The following FHIT variants were observed in gnomAD, a reference collection of about 807,000 sequenced individuals.
FHIT encodes bis(5'-adenosyl)-triphosphatase.
FHIT carries 19 observed loss-of-function variants against 17.9 expected under a neutral mutation model. That is an observed-to-expected ratio of 1.06 (90% CI 0.74 to 1.56). The LOEUF (loss-of-function observed/expected upper bound fraction) is 1.56, where lower values mean the gene tolerates loss of function less well. FHIT is among the 40% of genes most tolerant of loss of function. FHIT has a pLI of 0.00. For missense variants in FHIT, 248 were observed against 189.2 expected (o/e 1.31, Z -1.82); for synonymous variants, 81 against 69.7 (o/e 1.16, Z -0.81).
At chr3:61,206,820 T>C (rs1047793821) in intron 1 of FHIT, among the ~76,000 whole-genome samples, 1 of 152,176 alleles carries the variant, frequency 6.6e-6, no homozygotes, top group African/African-American at 2.4e-5. Flanking sequence ...TTTCTTCTCC[T>C]GCCTGATTGC....
intron 4 of FHIT, among the ~76,000 whole-genome samples, chr3:60,651,537 C>T (rs555969708): frequency 2.9e-3 from 394 of 136,670 alleles, no homozygotes; most frequent in African/African-American, 0.011. Flanking sequence ...TTGATAGATC[C>T]AATCTTTTTT....
chr3:61,071,694 C>T (rs1057389470), intron 2 of FHIT, among the ~76,000 whole-genome samples: 1 of 151,862 alleles, frequency 6.6e-6, no homozygotes, highest in Non-Finnish European at 1.5e-5. Flanking sequence ...TAAGTATTTC[C>T]ATATATATTT....
intron 5 of FHIT, among the ~76,000 whole-genome samples, chr3:60,089,834 G>A (rs1299381309): frequency 1.3e-5 from 2 of 152,086 alleles, no homozygotes; most frequent in African/African-American, 4.8e-5. Flanking sequence ...GCAACATCTC[G>A]TAATATTGTT....
At chr3:60,051,493 A>G (rs1429193869) in intron 5 of FHIT, among the ~76,000 whole-genome samples, 1 of 152,092 alleles carries the variant, frequency 6.6e-6, no homozygotes, top group African/African-American at 2.4e-5. Context: ...AAGACTACCT[A>G]GAACAGGGAC....
chr3:61,098,336 GT>G (rs1019909107), intron 2 of FHIT, among the ~76,000 whole-genome samples: 2 of 152,180 alleles, frequency 1.3e-5, no homozygotes, highest in South Asian at 2.1e-4. Flanking sequence ...GAGCCATGCT[GT>G]TTTGGTCACT....
chr3:59,815,880 C>T (rs1050610048), intron 8 of FHIT, among the ~76,000 whole-genome samples: 2 of 151,886 alleles, frequency 1.3e-5, no homozygotes, highest in African/African-American at 2.4e-5. Flanking sequence ...CCCCAATAAC[C>T]TATAGAAATA....
At chr3:60,587,540 G>C (rs1553662563) in intron 4 of FHIT, among the ~76,000 whole-genome samples, 2 of 151,764 alleles carry the variant, frequency 1.3e-5, no homozygotes, top group Non-Finnish European at 1.5e-5. Context: ...CTCAAAAAGA[G>C]AAAAAAGTAA....
chr3:60,072,068 T>G (rs569648351), intron 5 of FHIT, among the ~76,000 whole-genome samples: 1 of 128,810 alleles, frequency 7.8e-6, no homozygotes, highest in East Asian at 2.2e-4. Flanking sequence ...GAGAACAGAC[T>G]AATACAGGTA....
intron 7 of FHIT, among the ~76,000 whole-genome samples, chr3:59,979,129 C>T (rs1016155335): frequency 3.3e-5 from 5 of 152,038 alleles, no homozygotes; most frequent in Admixed American, 2.6e-4. Context: ...ACATGTGTGC[C>T]TAAAAATGTC....
intron 3 of FHIT, among the ~76,000 whole-genome samples, chr3:60,902,858 A>G (rs1706193592): frequency 6.6e-6 from 1 of 152,194 alleles, no homozygotes; most frequent in Non-Finnish European, 1.5e-5. Flanking sequence ...CATTCCTGAA[A>G]CTAAAATCTC....
At chr3:60,236,593 T>C (rs995027653) in intron 5 of FHIT, among the ~76,000 whole-genome samples, 16 of 152,182 alleles carry the variant, frequency 1.1e-4, no homozygotes, top group African/African-American at 3.9e-4. Context: ...CAGTAGTTCA[T>C]ATTCACATAT....
intron 5 of FHIT, among the ~76,000 whole-genome samples, chr3:60,084,750 T>C (rs369263355): frequency 3.9e-5 from 6 of 152,190 alleles, no homozygotes; most frequent in East Asian, 3.8e-4. Flanking sequence ...CTGCTGTGAA[T>C]ATAAAATCAC....
chr3:60,181,210 A>G (rs1278656459), intron 5 of FHIT, among the ~76,000 whole-genome samples: 2 of 148,656 alleles, frequency 1.3e-5, no homozygotes, highest in Non-Finnish European at 2.9e-5. Flanking sequence ...CAGTGGTACA[A>G]TCTTGGCTCA....
chr3:60,546,356 CA>C (rs1255529336), intron 4 of FHIT, among the ~76,000 whole-genome samples: 2 of 152,102 alleles, frequency 1.3e-5, no homozygotes, highest in African/African-American at 4.8e-5. Context: ...TTATCCTATC[CA>C]TACTAATGCT....
chr3:60,682,932 G>A (rs2040784927), intron 4 of FHIT, among the ~76,000 whole-genome samples: 1 of 152,176 alleles, frequency 6.6e-6, no homozygotes. Flanking sequence ...GTGTTTGGGA[G>A]AAGTTGATTC....
intron 4 of FHIT, among the ~76,000 whole-genome samples, chr3:60,764,602 C>T (rs558160611): frequency 4.6e-5 from 7 of 152,174 alleles, no homozygotes. Context: ...ATTTATAAGT[C>T]TCAGGGTATT....
chr3:61,097,933 T>C (rs1423373874), intron 2 of FHIT, among the ~76,000 whole-genome samples: 1 of 152,242 alleles, frequency 6.6e-6, no homozygotes, highest in Non-Finnish European at 1.5e-5. Context: ...TCCTTTACTG[T>C]GCAGAAGCTC....
At chr3:61,141,172 C>T (rs547561565) in intron 2 of FHIT, among the ~76,000 whole-genome samples, 3 of 151,712 alleles carry the variant, frequency 2.0e-5, no homozygotes, top group East Asian at 3.9e-4. Context: ...TCTTTCAAGC[C>T]GACTCTCGGG....
At chr3:60,040,815 A>G (rs990419598) in intron 5 of FHIT, among the ~76,000 whole-genome samples, 6 of 152,112 alleles carry the variant, frequency 3.9e-5, no homozygotes, top group Non-Finnish European at 8.8e-5. Flanking sequence ...GGGGAATGAC[A>G]TGATTTCTGT....
Sources: gnomAD v4.1 joint callset for allele counts (sites outside exome capture counted in the v4.1 genomes callset) on GRCh38, gnomAD v4.1.1 for gene constraint, MANE v1.5 for transcripts, NCBI Gene and HGNC (gene_info 2026-07-23, HGNC 2026-07-21) for gene names.